NXN: variants seen among roughly 807,000 people sequenced by gnomAD.
The protein encoded by NXN is nucleoredoxin 1.
A neutral mutation model predicts 48.6 loss-of-function variants in NXN; 16 were observed. The observed-to-expected ratio is 0.33, with a 90% CI of 0.22 to 0.50. NXN has a LOEUF of 0.50. Ranked by LOEUF, NXN falls within the 20% of genes least tolerant of loss-of-function variation. The probability of loss-of-function intolerance (pLI) is 0.98; values close to 1 mark genes in which losing one functional copy is unlikely to be tolerated. For missense variants in NXN, 492 were observed against 605.5 expected (o/e 0.81, Z 1.97); for synonymous variants, 281 against 269.6 (o/e 1.04, Z -0.41).
At chr17:838,678 C>G (rs933552194) in intron 1 of NXN, among the ~76,000 whole-genome samples, 5 of 152,200 alleles carry the variant, frequency 3.3e-5, no homozygotes, top group Admixed American at 6.5e-5. Flanking sequence ...TATGGCAGAT[C>G]AGGCCAACTG....
In NXN at chr17:800,895, G is replaced by T; in HGVS notation, c.*54C>A. The T allele has an allele frequency of 7.9e-7, 1 of 1,265,662 alleles. No homozygotes were observed. Among genetic ancestry groups the T allele is most frequent in the Non-Finnish European group, 1.0e-6 (1 of 958,928 alleles). 78.4% of individuals were successfully genotyped at this position (1,265,662 alleles called of 1,614,324 possible). ...TAAGTCCAAGGGCGGAAGGAAGGAG[G>T]GGGAGGAGGAGAAGGCTGAGTTTTA... On this transcript the variant is annotated 3_prime_UTR_variant, in exon 8 of 8. Coordinates refer to ENST00000336868, the MANE Select transcript of NXN (RefSeq NM_022463.5).
chr17:938,166 G>A (rs2068930131), intron 1 of NXN, among the ~76,000 whole-genome samples: 2 of 152,280 alleles, frequency 1.3e-5, no homozygotes, highest in Non-Finnish European at 2.9e-5. Context: ...CCTATTCGGA[G>A]GGGTCAGGGT....
chr17:896,859 C>CGGGGGG, intron 1 of NXN: 4 of 541,032 alleles, frequency 7.4e-6, no homozygotes, highest in Non-Finnish European at 1.2e-5. Context: ...TCCTGACCAC[C>CGGGGGG]CGCCCCCGGC....
At chr17:835,225 G>A (rs986778251) in intron 1 of NXN, among the ~76,000 whole-genome samples, 10 of 150,964 alleles carry the variant, frequency 6.6e-5, no homozygotes, top group East Asian at 6.0e-4. Flanking sequence ...GGAGAATGGC[G>A]TGAACCCAGG....
At chr17:910,536 T>A (rs1222349193) in intron 1 of NXN, among the ~76,000 whole-genome samples, 1 of 152,184 alleles carries the variant, frequency 6.6e-6, no homozygotes, top group East Asian at 1.9e-4. Context: ...TTTTTATTTG[T>A]TTTTTAGAAG....
intron 5 of NXN, among the ~76,000 whole-genome samples, chr17:817,800 T>C (rs1912565804): frequency 1.3e-5 from 2 of 152,064 alleles, no homozygotes; most frequent in African/African-American, 4.8e-5. Flanking sequence ...ATTAGCTGTA[T>C]CTGTTTACAG....
At chr17:942,125 C>T (rs2068982706) in intron 1 of NXN, among the ~76,000 whole-genome samples, 1 of 114,220 alleles carries the variant, frequency 8.8e-6, no homozygotes, top group Admixed American at 8.3e-5. Context: ...AGGGTGCAGC[C>T]ATGAATTCAC....
intron 1 of NXN, among the ~76,000 whole-genome samples, chr17:870,134 T>C (rs2068136155): frequency 6.6e-6 from 1 of 152,092 alleles, no homozygotes. Context: ...AGCAAAGAAG[T>C]ACCTGGCTCA....
intron 1 of NXN, chr17:897,152 G>A (rs1285669613): frequency 1.5e-6 from 1 of 688,500 alleles, no homozygotes; most frequent in East Asian, 1.3e-4. Context: ...TCAGCTCCTG[G>A]CAGGTCCCAG....
At chr17:841,625 G>GTCCCCCCTGACCACAGC (rs1567828107) in intron 1 of NXN, among the ~76,000 whole-genome samples, 1 of 86,230 alleles carries the variant, frequency 1.2e-5, no homozygotes, top group Non-Finnish European at 2.4e-5. Context: ...ATCTCACACG[G>GTCCCCCCTGACCACAGC]GCAAGCAGGT....
At chr17:968,346 A>T (rs79127114) in intron 1 of NXN, among the ~76,000 whole-genome samples, 4,934 of 152,310 alleles carry the variant, frequency 0.032, 287 homozygotes, top group East Asian at 0.26. Flanking sequence ...AGGGTGCGGG[A>T]TCCATTCAGT....
chr17:920,258 G>A lies in NXN; in HGVS notation c.360+59061C>T, dbSNP rs554725996. Among the ~76,000 whole-genome samples the A allele has an allele frequency of 5.9e-5, 9 of 152,040 alleles. 1 individual carries two copies. The South Asian group carries it at 1.5e-3, about 25-fold the overall frequency. ...ATGCTGCCTCCTGTCATCTCCCCCC[G>A]CCCCTGGCTCCCGCTTTGACCTGGA... On this transcript the variant is annotated intron_variant, in intron 1 of 7. Transcript: ENST00000336868. The surrounding 1 kb of genome is among the most constrained non-coding windows in gnomAD (Gnocchi z 4.6).
intron 1 of NXN, among the ~76,000 whole-genome samples, chr17:855,711 A>G (rs559417307): frequency 2.9e-4 from 44 of 152,328 alleles, no homozygotes; most frequent in African/African-American, 1.1e-3. Flanking sequence ...GAATAAATTA[A>G]GTTTAGGGGA....
chr17:919,936 C>G lies in NXN; in HGVS notation c.360+59383G>C, dbSNP rs1290986213. Among the ~76,000 whole-genome samples the G allele has an allele frequency of 1.3e-5, 2 of 152,080 alleles. No homozygotes were observed. The highest frequency in any genetic ancestry group is 3.9e-4 in the East Asian group (2 of 5,182). On this transcript the variant is annotated intron_variant, in intron 1 of 7. Transcript: ENST00000336868. The surrounding 1 kb of genome is among the most constrained non-coding windows in gnomAD (Gnocchi z 5.1). ...ATGGCGGAAAATGTACCTTCCATCT[C>G]TCTCTGCCTCAGCCCCCACCGGCAC...
chr17:863,898 T>C (rs1389501104), intron 1 of NXN: 12 of 1,365,032 alleles, frequency 8.8e-6, no homozygotes, highest in South Asian at 5.0e-5. Flanking sequence ...CAGAGCTCTG[T>C]AGAGGTTTAT....
intron 5 of NXN, among the ~76,000 whole-genome samples, chr17:814,267 GAAAAGAAA>G (rs1036334360): frequency 6.6e-5 from 10 of 151,794 alleles, no homozygotes; most frequent in East Asian, 2.0e-4. Context: ...TCAAAAAAAA[GAAAAGAAA>G]AAAAGAAAAA....
chr17:896,339 T>G (rs1172131864), intron 1 of NXN, among the ~76,000 whole-genome samples: 1 of 83,542 alleles, frequency 1.2e-5, no homozygotes, highest in Non-Finnish European at 2.2e-5. Flanking sequence ...AAACTCCATC[T>G]CAAAAAAAAA....
In NXN at chr17:955,316, C is replaced by A. The variant is rs939269968; in HGVS notation, c.360+24003G>T. 3.3e-5 allele frequency among the ~76,000 whole-genome samples: 5 copies of A among 151,514 alleles called. No individual in the cohort carries two copies. In the East Asian group the frequency reaches 7.9e-4, roughly 24 times the overall value. ...CCGAGTAGCTGGGATTACAGGCATG[C>A]GCCACCACACCCTGCTAATTTTTTA... On this transcript the variant is annotated intron_variant, in intron 1 of 7. Transcript: ENST00000336868.
At chr17:948,842 C>CCCGG (rs2150614790) in intron 1 of NXN, among the ~76,000 whole-genome samples, 1 of 135,870 alleles carries the variant, frequency 7.4e-6, no homozygotes, top group South Asian at 2.5e-4. Context: ...CTCCTCTCCC[C>CCCGG]CCTGCCTCCT....
Sources: allele counts gnomAD v4.1 joint callset (sites outside exome capture counted in the v4.1 genomes callset), GRCh38; gene constraint gnomAD v4.1.1; non-coding constraint Gnocchi (gnomAD v3.1); transcripts MANE v1.5; gene names NCBI Gene and HGNC (gene_info 2026-07-23, HGNC 2026-07-21).